FBXL5: variants seen among roughly 807,000 people sequenced by gnomAD.
FBXL5 encodes the protein F-box and leucine rich repeat protein 5.
A neutral mutation model predicts 78.3 loss-of-function variants in FBXL5; 26 were observed. The ratio of observed to expected loss-of-function variants is 0.33; its 90% CI spans 0.24 to 0.46. The LOEUF is 0.46. Ranked by LOEUF, FBXL5 falls within the 20% of genes least tolerant of loss-of-function variation. The probability of loss-of-function intolerance (pLI) is 1.00; values close to 1 mark genes in which losing one functional copy is unlikely to be tolerated. For synonymous variants in FBXL5, 295 were observed against 282.5 expected (o/e 1.04, Z -0.45); for missense variants, 710 against 829.2 (o/e 0.86, Z 1.77).
intron 1 of FBXL5, among the ~76,000 whole-genome samples, chr4:15,679,949 G>T (rs760035793): frequency 1.1e-4 from 16 of 152,194 alleles, no homozygotes; most frequent in African/African-American, 2.9e-4. Context: ...TGTATTCACT[G>T]AAGAGTTGTT....
In FBXL5 at chr4:15,625,793, T is replaced by C. The variant is rs1319205621; in HGVS notation, c.1309A>G (p.Thr437Ala). 8 of 1,614,182 alleles carry C rather than the reference T, an allele frequency of 5.0e-6. No homozygotes were observed. Among genetic ancestry groups the C allele is most frequent in the Non-Finnish European group, 6.8e-6 (8 of 1,180,026 alleles). ...GCATACTGCTTGGTGGACTGCATGG[T>C]AATGTCTTTATTTTTCCACGCAGTT... ...TSTAWKNKDITMQSTKQYACL... is the reference protein window; with the variant it reads ...TSTAWKNKDIAMQSTKQYACL... The change falls in exon 9 of 11, where the codon ACC (threonine) becomes GCC (alanine). Residue 437 changes from threonine to alanine, a missense_variant. By Grantham distance (58) the Thr-to-Ala change is moderately conservative. Transcript: ENST00000341285.
chr4:15,628,466 G>A (rs943361963), intron 6 of FBXL5, among the ~76,000 whole-genome samples: 2 of 152,012 alleles, frequency 1.3e-5, no homozygotes, highest in African/African-American at 2.4e-5. Flanking sequence ...ACAACAGAAT[G>A]TACTACTGTA....
intron 10 of FBXL5, among the ~76,000 whole-genome samples, chr4:15,608,648 G>A (rs563590302): frequency 2.9e-4 from 44 of 151,844 alleles, no homozygotes; most frequent in African/African-American, 9.9e-4. Context: ...GAGTTTCAGT[G>A]AGATTCTAAG....
chr4:15,633,820 G>T (rs781432970), intron 5 of FBXL5, among the ~76,000 whole-genome samples: 2 of 152,126 alleles, frequency 1.3e-5, no homozygotes, highest in Admixed American at 6.5e-5. Flanking sequence ...GGGTGATCTC[G>T]AACTCCTGAG....
intron 10 of FBXL5, among the ~76,000 whole-genome samples, chr4:15,606,301 G>C (rs1201071311): frequency 6.6e-6 from 1 of 151,968 alleles, no homozygotes; most frequent in Non-Finnish European, 1.5e-5. Flanking sequence ...TTTTTATTTA[G>C]TATTTGTAGC....
intron 1 of FBXL5, among the ~76,000 whole-genome samples, chr4:15,647,512 C>T (rs1021912128): frequency 6.6e-6 from 1 of 152,144 alleles, no homozygotes; most frequent in Non-Finnish European, 1.5e-5. Flanking sequence ...AATGCCCTAA[C>T]ATGAGTTAAG....
At position 15,617,977 on chromosome 4, in the gene FBXL5, TAAAAG is replaced by T. The variant is rs571745367; in HGVS notation, c.1851-5568_1851-5564del. Among the ~76,000 whole-genome samples, 63 of 151,338 alleles carry T rather than the reference TAAAAG, an allele frequency of 4.2e-4. No homozygotes were observed. In the East Asian group the frequency reaches 6.0e-3, roughly 14 times the overall value. ...TACCCTGAACTTAAAAGTTGGAAGTTAAAAGAAAAAAAAGGAATTAGAAAAAGGAA... is the reference window on the plus strand; with the variant it reads ...TACCCTGAACTTAAAAGTTGGAAGTTAAAAAAAAGGAATTAGAAAAAGGAA... On this transcript the variant is annotated intron_variant, in intron 9 of 10. Coordinates refer to ENST00000341285, the MANE Select transcript of FBXL5 (RefSeq NM_012161.4).
chr4:15,627,771 A>C, intron 7 of FBXL5, 114 bp downstream of exon 7: 1 of 912,354 alleles, frequency 1.1e-6, no homozygotes, highest in South Asian at 1.7e-5. Context: ...ATAGGAAGGC[A>C]CTCAATAATC....
chr4:15,660,670 A>G (rs554554949), upstream of FBXL5, among the ~76,000 whole-genome samples: 16 of 152,332 alleles, frequency 1.1e-4, no homozygotes, highest in Admixed American at 3.9e-4. Flanking sequence ...CTTTTGAGTG[A>G]TAAAAGGTGC....
At chr4:15,676,664 G>C (rs1438516752) in intron 1 of FBXL5, among the ~76,000 whole-genome samples, 2 of 152,060 alleles carry the variant, frequency 1.3e-5, no homozygotes, top group Admixed American at 6.5e-5. Context: ...GAGAAGGGTA[G>C]AGTGTGTGTA....
At chr4:15,651,959 C>A (rs1329975500) in intron 1 of FBXL5, among the ~76,000 whole-genome samples, 4 of 152,188 alleles carry the variant, frequency 2.6e-5, no homozygotes, top group Non-Finnish European at 4.4e-5. Context: ...TTTGCTCCCA[C>A]TATACCCTAT....
intron 1 of FBXL5, among the ~76,000 whole-genome samples, chr4:15,674,571 CATT>C (rs371861144): frequency 5.1e-4 from 78 of 152,040 alleles, no homozygotes; most frequent in African/African-American, 1.8e-3. Context: ...ATGAAACTTT[CATT>C]TTAATCATAA....
rs762898419 is a variant in FBXL5 at position 15,625,906 on chromosome 4, A to G, written c.1196T>C (p.Val399Ala). 13 of 1,613,796 alleles carry G rather than the reference A, an allele frequency of 8.1e-6. 1 individual carries two copies. In the South Asian group the frequency reaches 1.4e-4, roughly 18 times the overall value. ...AGCTCTGGAAATCTTCTCTAGGGCC[A>G]CATCTGTGATTTTCTCACAACCAGA... ...DLSGCEKITD[V>A]ALEKISRALG... is the part of the protein sequence containing the mutation. The change falls in exon 9 of 11, where the codon GTG becomes GCG. Residue 399 changes from valine to alanine, a missense_variant. Physicochemically the swap from Val to Ala is moderately conservative, Grantham distance 64. Transcript: ENST00000341285.
intron 1 of FBXL5, among the ~76,000 whole-genome samples, chr4:15,677,916 C>T (rs1333883391): frequency 7.6e-6 from 1 of 131,618 alleles, no homozygotes; most frequent in Non-Finnish European, 1.6e-5. Flanking sequence ...TGGAGGCAGT[C>T]CTGTGGGACT....
At chr4:15,633,687 G>A (rs142790455) in intron 5 of FBXL5, among the ~76,000 whole-genome samples, 1 of 152,250 alleles carries the variant, frequency 6.6e-6, no homozygotes, top group Non-Finnish European at 1.5e-5. Context: ...TCTGCCTCCT[G>A]GACTGAAGTG....
intron 10 of FBXL5, among the ~76,000 whole-genome samples, chr4:15,609,668 T>C (rs1035151347): frequency 6.6e-6 from 1 of 152,054 alleles, no homozygotes; most frequent in Non-Finnish European, 1.5e-5. Context: ...TAACACTTCT[T>C]AAATGTTAAA....
chr4:15,611,064 C>T (rs925477189), intron 10 of FBXL5, among the ~76,000 whole-genome samples: 1 of 152,084 alleles, frequency 6.6e-6, no homozygotes, highest in African/African-American at 2.4e-5. Flanking sequence ...TCACCAACTA[C>T]GATGACATTC....
At chr4:15,659,545 T>C (rs749710504), upstream of FBXL5, among the ~76,000 whole-genome samples, 26 of 152,192 alleles carry the variant, frequency 1.7e-4, no homozygotes, top group Admixed American at 2.6e-4. Flanking sequence ...ACTGTCCAAA[T>C]ATAGAGTAGT....
chr4:15,679,620 C>T (rs1012375612), intron 1 of FBXL5, among the ~76,000 whole-genome samples: 5 of 150,804 alleles, frequency 3.3e-5, no homozygotes, highest in African/African-American at 4.9e-5. Context: ...CAATTCAATA[C>T]TGCTTTTTAA....
Sources: gnomAD v4.1 joint callset for allele counts (sites outside exome capture counted in the v4.1 genomes callset) on GRCh38, gnomAD v4.1.1 for gene constraint, MANE v1.5 for transcripts, NCBI Gene and HGNC (gene_info 2026-07-23, HGNC 2026-07-21) for gene names.